DCAF6: variants seen among roughly 807,000 people sequenced by gnomAD.
DCAF6 encodes the protein DDB1- and CUL4-associated factor 6.
A neutral mutation model predicts 125.1 loss-of-function variants in DCAF6; 54 were observed. That is an observed-to-expected ratio of 0.43 (90% CI 0.35 to 0.54). The LOEUF (loss-of-function observed/expected upper bound fraction) is 0.54. DCAF6 is among the 20% of genes least tolerant of loss of function. DCAF6 has a pLI of 0.01. For synonymous variants in DCAF6, 371 were observed against 390.4 expected (o/e 0.95, Z 0.58); for missense variants, 934 against 1,161.7 (o/e 0.80, Z 2.85).
chr1:167,935,638 G>A (rs1414339890), upstream of DCAF6: 5 of 960,550 alleles, frequency 5.2e-6, no homozygotes, highest in African/African-American at 1.6e-5. Context: ...GGCTGTGGAT[G>A]CCTCTAGAGG....
intron 16 of DCAF6, among the ~76,000 whole-genome samples, chr1:168,049,591 G>A (rs1301281227): frequency 6.8e-6 from 1 of 147,576 alleles, no homozygotes; most frequent in East Asian, 2.0e-4. Context: ...GTAAATATAT[G>A]CCCTTGGAAT....
At chr1:168,073,682 G>A (rs766692775) in intron 21 of DCAF6, among the ~76,000 whole-genome samples, 3 of 151,960 alleles carry the variant, frequency 2.0e-5, no homozygotes, top group Non-Finnish European at 4.4e-5. Flanking sequence ...GAGATAGGCC[G>A]TTACTGCTTC....
At chr1:167,883,678 TC>T in the DCAF6 span, 1 of 1,576,958 alleles carries the variant, frequency 6.3e-7, no homozygotes, top group Non-Finnish European at 8.7e-7. Flanking sequence ...AGTGGATCCC[TC>T]CCCCAACACC....
the DCAF6 span, among the ~76,000 whole-genome samples, chr1:167,892,956 A>C: frequency 2.6e-5 from 4 of 152,242 alleles, no homozygotes; most frequent in Non-Finnish European, 5.9e-5. Context: ...TCATGCATAT[A>C]AAATGAGGAT....
intron 4 of DCAF6, among the ~76,000 whole-genome samples, chr1:167,977,923 C>T (rs927441949): frequency 6.6e-6 from 1 of 152,162 alleles, no homozygotes; most frequent in Non-Finnish European, 1.5e-5. Context: ...AATTCTAACA[C>T]TGGAGTTTTC....
chr1:168,045,297 A>G, intron 16 of DCAF6, 70 bp downstream of exon 16: 1 of 1,380,210 alleles, frequency 7.2e-7, no homozygotes, highest in Non-Finnish European at 9.7e-7. Flanking sequence ...AAGTCATTGA[A>G]GGGAATCTCT....
At chr1:167,907,927 G>A in the DCAF6 span, among the ~76,000 whole-genome samples, 1 of 152,202 alleles carries the variant, frequency 6.6e-6, no homozygotes, top group African/African-American at 2.4e-5. Flanking sequence ...CAACTCAGAG[G>A]TAAGCCTCCA....
chr1:167,936,002 A>T, upstream of DCAF6: 1 of 630,672 alleles, frequency 1.6e-6, no homozygotes, highest in Admixed American at 2.8e-5. Context: ...CTGTGAACCG[A>T]AAAGCTGCGG....
At chr1:167,878,745 G>A in the DCAF6 span, 5 of 1,078,788 alleles carry the variant, frequency 4.6e-6, no homozygotes, top group African/African-American at 6.2e-5. Flanking sequence ...TCCCTTTGCT[G>A]TTCATGAGTG....
intron 6 of DCAF6, among the ~76,000 whole-genome samples, chr1:167,992,250 A>T (rs894602761): frequency 1.0e-5 from 1 of 97,368 alleles, no homozygotes; most frequent in Non-Finnish European, 2.3e-5. Flanking sequence ...GAAGGCCAGG[A>T]TTACACACAC....
upstream of DCAF6, among the ~76,000 whole-genome samples, chr1:167,930,922 G>A (rs961465969): frequency 9.2e-5 from 14 of 152,334 alleles, no homozygotes; most frequent in East Asian, 2.5e-3. Flanking sequence ...CAAAAAATAT[G>A]TTAAGTGTTG....
At chr1:168,055,668 C>CTCT (rs1690605535) in intron 17 of DCAF6, among the ~76,000 whole-genome samples, 1 of 105,170 alleles carries the variant, frequency 9.5e-6, no homozygotes, top group Non-Finnish European at 1.8e-5. Flanking sequence ...ATTCTGAACA[C>CTCT]TAGAGCCTAG....
At chr1:167,906,033 G>T in the DCAF6 span, among the ~76,000 whole-genome samples, 1 of 152,056 alleles carries the variant, frequency 6.6e-6, no homozygotes, top group East Asian at 1.9e-4. Context: ...TTTAAGAAAA[G>T]GAACTGTTAT....
At chr1:167,873,567 A>C in the DCAF6 span, among the ~76,000 whole-genome samples, 1 of 152,228 alleles carries the variant, frequency 6.6e-6, no homozygotes, top group Admixed American at 6.5e-5. Flanking sequence ...CAGAATCCAC[A>C]GGTCAATCTT....
intron 4 of DCAF6, 62 bp from the exon 5 acceptor site, chr1:167,987,432 GT>G: frequency 1.2e-6 from 1 of 823,950 alleles, no homozygotes; most frequent in Non-Finnish European, 2.0e-6. Flanking sequence ...TAGTAGGAAT[GT>G]TTTTCAGAGC....
intron 10 of DCAF6, among the ~76,000 whole-genome samples, chr1:168,007,688 GGT>G (rs1683526308): frequency 6.6e-6 from 1 of 151,970 alleles, no homozygotes; most frequent in Non-Finnish European, 1.5e-5. Flanking sequence ...TATTAATTCT[GGT>G]GGGTTTTCAG....
chr1:167,871,142 A>G, the DCAF6 span, among the ~76,000 whole-genome samples: 336 of 152,194 alleles, frequency 2.2e-3, 2 homozygotes, highest in African/African-American at 7.8e-3. Context: ...ATTAGGAAAT[A>G]AATTTATTAA....
chr1:167,870,182 A>G, the DCAF6 span: 10,520 of 1,536,930 alleles, frequency 6.8e-3, 547 homozygotes, highest in African/African-American at 0.12. Flanking sequence ...AAGGCAAGTT[A>G]TAGGAAGGAG....
At chr1:168,067,893 C>A (rs1692547119) in intron 20 of DCAF6, among the ~76,000 whole-genome samples, 1 of 152,102 alleles carries the variant, frequency 6.6e-6, no homozygotes, top group South Asian at 2.1e-4. Context: ...TTCTTGTTAA[C>A]CCTTGCCCAA....
Sources: gnomAD v4.1 joint callset for allele counts (sites outside exome capture counted in the v4.1 genomes callset) on GRCh38, gnomAD v4.1.1 for gene constraint, MANE v1.5 for transcripts, NCBI Gene and HGNC (gene_info 2026-07-23, HGNC 2026-07-21) for gene names.